The following UST variants were observed in gnomAD, a reference collection of about 807,000 sequenced individuals.
The protein encoded by UST is uronyl 2-sulfotransferase.
Under a neutral mutation model 45.6 loss-of-function variants are expected in UST, and 21 were observed. The ratio of observed to expected loss-of-function variants is 0.46; its 90% CI spans 0.33 to 0.66. The LOEUF (loss-of-function observed/expected upper bound fraction) is 0.66. Among genes scored for constraint, UST ranks in the 30% least tolerant of loss-of-function variants. UST has a pLI of 0.02. For synonymous variants in UST, 215 were observed against 200.6 expected, an observed-to-expected ratio of 1.07 and a Z score of -0.61; for missense variants, 463 against 512.4, an observed-to-expected ratio of 0.90 and a Z score of 0.93.
intron 4 of UST, chr6:148,959,037 A>G (rs1024734186): frequency 3.9e-5 from 6 of 152,052 alleles, no homozygotes; most frequent in Non-Finnish European, 8.8e-5. Flanking sequence ...CGGTGCCAAT[A>G]GTAACTTGCA....
rs1163854519 is a variant in UST at position 148,793,917 on chromosome 6, G to T, written c.247+46240G>T. ...GGACTTTTGGGTTGTCTCTGGTTTG[G>T]CACTATTCTGAATAGTGCTGCTGTG... On this transcript the variant is annotated intron_variant, in intron 1 of 7. Coordinates refer to ENST00000367463, the MANE Select transcript of UST (RefSeq NM_005715.3). 4.6e-5 allele frequency among the ~76,000 whole-genome samples: 7 copies of T among 152,018 alleles called. No homozygotes were observed. In the East Asian group the frequency reaches 9.6e-4, roughly 21 times the overall value.
chr6:149,007,222 C>T (rs1466565939), intron 5 of UST, among the ~76,000 whole-genome samples: 4 of 146,092 alleles, frequency 2.7e-5, no homozygotes, highest in Non-Finnish European at 5.9e-5. Context: ...CAGGTTCAAG[C>T]GATTCTCCTG....
chr6:148,913,823 T>C (rs1332198501), intron 2 of UST, among the ~76,000 whole-genome samples: 1 of 152,234 alleles, frequency 6.6e-6, no homozygotes, highest in African/African-American at 2.4e-5. Context: ...TTTTTAAAAT[T>C]ATGGAACAGT....
chr6:148,946,510 C>CAAAAAAAAAAAAAA lies in UST; in HGVS notation c.447+5082_447+5095dup, dbSNP rs71007930. Among the ~76,000 whole-genome samples the CAAAAAAAAAAAAAA allele has an allele frequency of 7.7e-4, 26 of 33,938 alleles. 1 individual carries two copies. Among genetic ancestry groups the CAAAAAAAAAAAAAA allele is most frequent in the Admixed American group, 1.4e-3 (3 of 2,198 alleles). The allele number at this position is 33,938 out of a possible 152,430, so 22.3% of individuals were successfully genotyped here. ...TGGGCGACAGAGCAAGACTCCATCT[C>CAAAAAAAAAAAAAA]AAAAAAAAAAAAAAAAAAAGGCCGG... On this transcript the variant is annotated intron_variant, in intron 3 of 7. Coordinates refer to ENST00000367463, the MANE Select transcript of UST (RefSeq NM_005715.3).
rs184810346 is a variant in UST at position 148,781,544 on chromosome 6, A to T, written c.247+33867A>T. Among the ~76,000 whole-genome samples the T allele has an allele frequency of 1.6e-3, 238 of 152,366 alleles. 2 individuals are homozygous for T. Among genetic ancestry groups the T allele is most frequent in the African/African-American group, 5.6e-3 (233 of 41,590 alleles). ...GTGAAGCAGTGAGTGCTGATGTAGAAGCTGCAACAGGTCATCTAGGAGATC... is the reference window on the plus strand; with the variant it reads ...GTGAAGCAGTGAGTGCTGATGTAGATGCTGCAACAGGTCATCTAGGAGATC... On this transcript the variant is annotated intron_variant, in intron 1 of 7. Transcript: ENST00000367463.
intron 1 of UST, among the ~76,000 whole-genome samples, chr6:148,835,790 G>C (rs1777775323): frequency 6.6e-6 from 1 of 152,202 alleles, no homozygotes; most frequent in African/African-American, 2.4e-5. Flanking sequence ...ATACGGAAGT[G>C]TGTGGGGTAG....
intron 5 of UST, among the ~76,000 whole-genome samples, chr6:149,011,152 CGTGGAGGTCATGTTGAATGGAA>C (rs1413800575): frequency 1.3e-5 from 2 of 151,974 alleles, no homozygotes; most frequent in African/African-American, 2.4e-5. Context: ...TTTGCAATGA[CGTGGAGGTCATGTTGAATGGAA>C]CTGGAGGTCA....
chr6:148,776,545 T>C (rs1484004830), intron 1 of UST, among the ~76,000 whole-genome samples: 3 of 152,088 alleles, frequency 2.0e-5, no homozygotes, highest in African/African-American at 7.2e-5. Context: ...GCAGCTGGAG[T>C]TGGGCATTTT....
chr6:148,894,387 G>C (rs1468059848), intron 2 of UST, among the ~76,000 whole-genome samples: 1 of 152,230 alleles, frequency 6.6e-6, no homozygotes, highest in African/African-American at 2.4e-5. Flanking sequence ...GTCTGTATAA[G>C]AAGAGGGAAA....
chr6:148,804,175 C>T (rs572694374), intron 1 of UST, among the ~76,000 whole-genome samples: 16 of 152,316 alleles, frequency 1.1e-4, no homozygotes, highest in African/African-American at 3.6e-4. Context: ...TTGTATGAAT[C>T]TCTGAGTCAT....
intron 2 of UST, among the ~76,000 whole-genome samples, chr6:148,925,977 A>G (rs1779807281): frequency 6.6e-6 from 1 of 152,234 alleles, no homozygotes; most frequent in South Asian, 2.1e-4. Flanking sequence ...AGTTCCTTTG[A>G]CAGCTTGTGA....
At chr6:149,022,397 C>T (rs538632548) in intron 7 of UST, among the ~76,000 whole-genome samples, 3 of 152,046 alleles carry the variant, frequency 2.0e-5, no homozygotes, top group African/African-American at 7.2e-5. Flanking sequence ...GTCAGGAGTT[C>T]GAGACCAGCC....
intron 5 of UST, among the ~76,000 whole-genome samples, chr6:149,001,241 T>G (rs1422911870): frequency 6.6e-6 from 1 of 152,012 alleles, no homozygotes; most frequent in African/African-American, 2.4e-5. Context: ...CTGGCTAATT[T>G]TTTTGTATTT....
chr6:148,991,534 C>T (rs996809589), intron 5 of UST, among the ~76,000 whole-genome samples: 1 of 134,826 alleles, frequency 7.4e-6, no homozygotes, highest in East Asian at 2.3e-4. Context: ...CGACAGGCCC[C>T]GGTGTGTGAT....
At chr6:148,795,188 A>G (rs1160693233) in intron 1 of UST, among the ~76,000 whole-genome samples, 1 of 152,244 alleles carries the variant, frequency 6.6e-6, no homozygotes, top group African/African-American at 2.4e-5. Context: ...AGCTGTAGTA[A>G]GAAATATTTG....
rs532751918 is a variant in UST at position 148,980,210 on chromosome 6, A to G, written c.681+15647A>G. 1.1e-4 allele frequency among the ~76,000 whole-genome samples: 17 copies of G among 152,218 alleles called. No homozygotes were observed. In the South Asian group the frequency reaches 2.3e-3, roughly 20 times the overall value. On this transcript the variant is annotated intron_variant, in intron 5 of 7. Coordinates refer to ENST00000367463, the MANE Select transcript of UST (RefSeq NM_005715.3). ...TTGGAATAACCTACATATATCACCT[A>G]TATACCATGCTCCTGATTTTTTAAA... is the stretch of plus-strand genomic sequence containing the variant.
intron 4 of UST, among the ~76,000 whole-genome samples, chr6:148,959,365 C>G (rs1292105212): frequency 2.0e-5 from 3 of 152,236 alleles, no homozygotes; most frequent in Non-Finnish European, 2.9e-5. Flanking sequence ...TATCTTTTGA[C>G]AGACACTGCA....
At chr6:148,751,373 G>A (rs1350341420) in intron 1 of UST, among the ~76,000 whole-genome samples, 1 of 152,204 alleles carries the variant, frequency 6.6e-6, no homozygotes, top group African/African-American at 2.4e-5. Flanking sequence ...CCAAGGTTAG[G>A]AGAGGTGTGA....
intron 1 of UST, among the ~76,000 whole-genome samples, chr6:148,749,178 C>CA (rs1775942436): frequency 6.6e-6 from 1 of 152,142 alleles, no homozygotes; most frequent in Non-Finnish European, 1.5e-5. Flanking sequence ...GGATTTGGGG[C>CA]AATATATCCT....
Sources: gnomAD v4.1 joint callset for allele counts (sites outside exome capture counted in the v4.1 genomes callset) on GRCh38, gnomAD v4.1.1 for gene constraint, MANE v1.5 for transcripts, NCBI Gene and HGNC (gene_info 2026-07-23, HGNC 2026-07-21) for gene names.